The following CSMD1 variants were observed in gnomAD, a reference collection of about 807,000 sequenced individuals.
CSMD1 encodes the protein CUB and Sushi multiple domains 1, also known as CUB and sushi domain-containing protein 1.
CSMD1 carries 213 observed loss-of-function variants against 417.5 expected under a neutral mutation model. That is an observed-to-expected ratio of 0.51 (90% CI 0.46 to 0.57). The LOEUF (loss-of-function observed/expected upper bound fraction) is 0.57. CSMD1 is among the 20% of genes least tolerant of loss of function. The probability of loss-of-function intolerance (pLI) is 0.00; values close to 1 mark genes in which losing one functional copy is unlikely to be tolerated. For synonymous variants in CSMD1, 2,862 were observed against 1,736.8 expected (o/e 1.65, Z -16.11); for missense variants, 6,923 against 4,529.7 (o/e 1.53, Z -15.17).
At chr8:4,695,983 G>A (rs1184638998) in intron 1 of CSMD1, among the ~76,000 whole-genome samples, 1 of 152,202 alleles carries the variant, frequency 6.6e-6, no homozygotes, top group African/African-American at 2.4e-5. Context: ...GAGGGAGAAT[G>A]CCTGTGTTTA....
At chr8:3,729,894 T>C (rs1001298508) in intron 6 of CSMD1, among the ~76,000 whole-genome samples, 1 of 118,642 alleles carries the variant, frequency 8.4e-6, no homozygotes, top group East Asian at 2.5e-4. Context: ...TCCCCAAATC[T>C]ACAGAATTAT....
intron 3 of CSMD1, among the ~76,000 whole-genome samples, chr8:4,369,812 G>C (rs567733014): frequency 1.3e-5 from 2 of 151,970 alleles, no homozygotes; most frequent in Admixed American, 6.6e-5. Flanking sequence ...CCTTTACTTC[G>C]AGACTATGGG....
intron 2 of CSMD1, among the ~76,000 whole-genome samples, chr8:4,480,544 G>C (rs1046006919): frequency 2.6e-5 from 4 of 152,268 alleles, no homozygotes; most frequent in Admixed American, 2.6e-4. Flanking sequence ...TGCACCATGC[G>C]TCAAGCGGAG....
At chr8:4,638,410 T>C (rs1413462186) in intron 1 of CSMD1, among the ~76,000 whole-genome samples, 6 of 152,116 alleles carry the variant, frequency 3.9e-5, no homozygotes, top group African/African-American at 7.2e-5. Flanking sequence ...GAATAACATA[T>C]GCATAAAGGA....
In CSMD1 at chr8:3,985,412, T is replaced by G. The variant is rs2130232326; in HGVS notation, c.818+12491A>C. Among the ~76,000 whole-genome samples the G allele has an allele frequency of 2.0e-5, 3 of 152,276 alleles. No individual in the cohort carries two copies. In the Middle Eastern group the frequency reaches 0.01, roughly 518 times the overall value. The stretch of plus-strand genomic sequence containing the variant: ...ATGAATATACATCTACCCTCTTGTC[T>G]AGTCTTATGTGCACACACACACAAA... On this transcript the variant is annotated intron_variant, in intron 5 of 69. Coordinates refer to ENST00000635120, the MANE Select transcript of CSMD1 (RefSeq NM_033225.6).
rs535117721 is a variant in CSMD1 at position 4,841,757 on chromosome 8, A to G, written c.85+152575T>C. Among the ~76,000 whole-genome samples the G allele has an allele frequency of 2.0e-5, 3 of 151,854 alleles. No homozygotes were observed. The East Asian group carries it at 5.8e-4, about 30-fold the overall frequency. On this transcript the variant is annotated intron_variant, in intron 1 of 69. Transcript: ENST00000635120. The stretch of plus-strand genomic sequence containing the variant: ...GAAACCCTGTCTCTACTAAAAATAC[A>G]AAAATTAGCTGGGCGTGGTGGCACA...
chr8:3,105,119 T>G (rs943544176), intron 46 of CSMD1, among the ~76,000 whole-genome samples: 1 of 152,228 alleles, frequency 6.6e-6, no homozygotes, highest in Admixed American at 6.5e-5. Context: ...CAGTTAACAT[T>G]ATAAAACACT....
rs545422788 is a variant in CSMD1, at chr8:3,632,710, C to G, written c.1010-15913G>C. Among the ~76,000 whole-genome samples the G allele has an allele frequency of 2.6e-5, 4 of 152,246 alleles. No individual in the cohort carries two copies. In the East Asian group the frequency reaches 5.8e-4, roughly 22 times the overall value. ...CAGTACTATTTAGGCACAGGAATGA[C>G]TTCAGTTAAAAAGATGACCACACCA... On this transcript the variant is annotated intron_variant, in intron 7 of 69. Coordinates refer to ENST00000635120, the MANE Select transcript of CSMD1 (RefSeq NM_033225.6).
chr8:3,351,191 T>A (rs540083171), intron 21 of CSMD1, among the ~76,000 whole-genome samples: 57 of 152,352 alleles, frequency 3.7e-4, no homozygotes, highest in African/African-American at 1.2e-3. Flanking sequence ...TGAATGTGAA[T>A]ATACATGACC....
chr8:4,019,150 AG>A (rs1489875203), intron 4 of CSMD1, among the ~76,000 whole-genome samples: 1 of 152,184 alleles, frequency 6.6e-6, no homozygotes, highest in East Asian at 1.9e-4. Flanking sequence ...TTAAAGAAAA[AG>A]GAAAGAAACA....
chr8:4,201,160 T>C (rs1042762226), intron 3 of CSMD1, among the ~76,000 whole-genome samples: 1 of 152,162 alleles, frequency 6.6e-6, no homozygotes, highest in Non-Finnish European at 1.5e-5. Flanking sequence ...AAATGACTAC[T>C]GTAAGGATTA....
At chr8:4,632,778 T>C (rs562637405) in intron 2 of CSMD1, among the ~76,000 whole-genome samples, 15 of 152,290 alleles carry the variant, frequency 9.8e-5, no homozygotes, top group African/African-American at 3.6e-4. Flanking sequence ...TTGGAATGCC[T>C]AGGGAAGATT....
intron 1 of CSMD1, among the ~76,000 whole-genome samples, chr8:4,926,469 T>A (rs1202816653): frequency 6.6e-6 from 1 of 152,202 alleles, no homozygotes; most frequent in Admixed American, 6.5e-5. Flanking sequence ...GCTTTGGAAT[T>A]TCAAAACGGT....
At chr8:4,768,197 T>A (rs1437009285) in intron 1 of CSMD1, among the ~76,000 whole-genome samples, 1 of 152,166 alleles carries the variant, frequency 6.6e-6, no homozygotes, top group Non-Finnish European at 1.5e-5. Context: ...TTTGGGAAGA[T>A]GCCTTTTATG....
At chr8:3,687,397 C>T (rs1799994079) in intron 7 of CSMD1, among the ~76,000 whole-genome samples, 1 of 152,186 alleles carries the variant, frequency 6.6e-6, no homozygotes, top group Admixed American at 6.5e-5. Flanking sequence ...TGGAACTCTG[C>T]ATTTCTAATT....
chr8:3,139,135 C>T (rs903106448), intron 41 of CSMD1, among the ~76,000 whole-genome samples: 1 of 152,240 alleles, frequency 6.6e-6, no homozygotes. Context: ...TCAGTGCCTG[C>T]GTCATTCCCA....
Position 3,247,649 on chromosome 8 carries a change from G to C in CSMD1, c.4154-17418C>G, listed in dbSNP as rs147635436. Among the ~76,000 whole-genome samples the C allele has an allele frequency of 5.6e-4, 85 of 152,196 alleles. 1 individual carries two copies. The East Asian group carries it at 0.016, about 28-fold the overall frequency. The stretch of plus-strand genomic sequence containing the variant: ...CCTCTGAGCCTGGGTCAGCAGGCAA[G>C]GCCCCCGCCCCCAGTTCTAAAATAG... On this transcript the variant is annotated intron_variant, in intron 26 of 69. Coordinates refer to ENST00000635120, the MANE Select transcript of CSMD1 (RefSeq NM_033225.6).
chr8:4,671,247 A>C (rs556944137), intron 1 of CSMD1, among the ~76,000 whole-genome samples: 2 of 152,276 alleles, frequency 1.3e-5, no homozygotes, highest in East Asian at 3.9e-4. Flanking sequence ...AAGTCATTAG[A>C]TAATTTCTTG....
chr8:4,206,341 C>T (rs939387950), intron 3 of CSMD1, among the ~76,000 whole-genome samples: 3 of 152,142 alleles, frequency 2.0e-5, no homozygotes, highest in African/African-American at 4.8e-5. Flanking sequence ...CTATCCCTTT[C>T]CCCTCCCCCC....
Sources: allele counts gnomAD v4.1 joint callset (sites outside exome capture counted in the v4.1 genomes callset), GRCh38; gene constraint gnomAD v4.1.1; transcripts MANE v1.5; gene names NCBI Gene and HGNC (gene_info 2026-07-23, HGNC 2026-07-21).